The following CSMD1 variants were observed in gnomAD, a reference collection of about 807,000 sequenced individuals.
The protein encoded by CSMD1 is CUB and Sushi multiple domains 1, also known as CUB and sushi domain-containing protein 1.
A neutral mutation model predicts 417.5 loss-of-function variants in CSMD1; 213 were observed. That is an observed-to-expected ratio of 0.51 (90% confidence interval 0.46 to 0.57). The LOEUF is 0.57. Among genes scored for constraint, CSMD1 ranks in the 20% least tolerant of loss-of-function variants. The pLI, the probability that CSMD1 is intolerant of heterozygous loss-of-function variation, is 0.00. For missense variants in CSMD1, 6,923 were observed against 4,529.7 expected, an observed-to-expected ratio of 1.53 and a Z score of -15.17; for synonymous variants, 2,862 against 1,736.8, an observed-to-expected ratio of 1.65 and a Z score of -16.11.
At chr8:3,640,010 A>T (rs13268385) in intron 7 of CSMD1, among the ~76,000 whole-genome samples, 1 of 151,658 alleles carries the variant, frequency 6.6e-6, no homozygotes. Flanking sequence ...TAGGTGCTCA[A>T]TAAATGTTTG....
At chr8:3,767,632 T>A (rs1003374759) in intron 5 of CSMD1, among the ~76,000 whole-genome samples, 4 of 152,210 alleles carry the variant, frequency 2.6e-5, no homozygotes, top group African/African-American at 7.2e-5. Context: ...TGCATATATA[T>A]TCACGCAATG....
chr8:3,571,107 G>A (rs1279068218), intron 10 of CSMD1, among the ~76,000 whole-genome samples: 1 of 152,184 alleles, frequency 6.6e-6, no homozygotes, highest in African/African-American at 2.4e-5. Context: ...GCACTTACAG[G>A]TGGAAGATCA....
chr8:4,810,886 T>C (rs1798859962), intron 1 of CSMD1, among the ~76,000 whole-genome samples: 1 of 152,176 alleles, frequency 6.6e-6, no homozygotes, highest in African/African-American at 2.4e-5. Flanking sequence ...CAGCCTTGTG[T>C]CTGAATCAGA....
chr8:3,946,173 T>G (rs765018535), intron 5 of CSMD1, among the ~76,000 whole-genome samples: 2 of 152,160 alleles, frequency 1.3e-5, no homozygotes, highest in African/African-American at 4.8e-5. Flanking sequence ...ATAAGATTAT[T>G]ACAAAGAATA....
At chr8:2,967,785 G>A (rs1240894648) in intron 57 of CSMD1, among the ~76,000 whole-genome samples, 1 of 152,176 alleles carries the variant, frequency 6.6e-6, no homozygotes, top group African/African-American at 2.4e-5. Context: ...GAACATGGAA[G>A]AAAACATCCT....
chr8:4,822,873 ATATGT>A (rs1424091955), intron 1 of CSMD1, among the ~76,000 whole-genome samples: 2 of 151,994 alleles, frequency 1.3e-5, no homozygotes, highest in African/African-American at 4.8e-5. Flanking sequence ...CTTTTTCATA[ATATGT>A]TATGTTAATG....
At chr8:4,712,332 A>G (rs1808359545) in intron 1 of CSMD1, among the ~76,000 whole-genome samples, 1 of 152,204 alleles carries the variant, frequency 6.6e-6, no homozygotes, top group African/African-American at 2.4e-5. Context: ...CCAACCACGC[A>G]TTTCCAGAAC....
At chr8:4,759,509 C>G (rs1811892124) in intron 1 of CSMD1, among the ~76,000 whole-genome samples, 1 of 152,142 alleles carries the variant, frequency 6.6e-6, no homozygotes, top group Non-Finnish European at 1.5e-5. Flanking sequence ...AACCCATCAC[C>G]TAGGTATTAA....
intron 5 of CSMD1, among the ~76,000 whole-genome samples, chr8:3,948,615 A>G (rs1811399810): frequency 6.6e-6 from 1 of 152,174 alleles, no homozygotes; most frequent in Non-Finnish European, 1.5e-5. Flanking sequence ...CATCAATTCC[A>G]CATACTTACT....
chr8:3,245,612 G>A (rs1047663122), intron 26 of CSMD1, among the ~76,000 whole-genome samples: 1 of 152,256 alleles, frequency 6.6e-6, no homozygotes, highest in Non-Finnish European at 1.5e-5. Flanking sequence ...TCCAGGAAAG[G>A]ACAGGAGCCT....
At chr8:3,830,421 C>T (rs549650021) in intron 5 of CSMD1, among the ~76,000 whole-genome samples, 1 of 152,296 alleles carries the variant, frequency 6.6e-6, no homozygotes, top group African/African-American at 2.4e-5. Flanking sequence ...TACCCAGGTT[C>T]TAATTATACG....
chr8:4,625,249 G>T lies in CSMD1; in HGVS notation c.302+12093C>A, dbSNP rs143770732. ...TCCACTGTTTAAGCACAAGTCACCT[G>T]CTTGGAACGCCAGTTAATTTTCCTT... On this transcript the variant is annotated intron_variant, in intron 2 of 69. Coordinates refer to ENST00000635120, the MANE Select transcript of CSMD1 (RefSeq NM_033225.6). 2.7e-3 allele frequency among the ~76,000 whole-genome samples: 408 copies of T among 152,138 alleles called. 1 individual carries two copies. Among genetic ancestry groups the T allele is most frequent in the Non-Finnish European group, 4.4e-3 (296 of 68,016 alleles).
At chr8:4,697,549 G>A (rs138304967) in intron 1 of CSMD1, among the ~76,000 whole-genome samples, 3 of 152,154 alleles carry the variant, frequency 2.0e-5, no homozygotes, top group East Asian at 3.9e-4. Context: ...GGGGAATGTC[G>A]ACGATAGCAA....
chr8:3,938,330 A>G (rs1417667539), intron 5 of CSMD1, among the ~76,000 whole-genome samples: 3 of 152,170 alleles, frequency 2.0e-5, no homozygotes, highest in African/African-American at 4.8e-5. Context: ...TTGGAAGAAA[A>G]AAGCATATAA....
chr8:4,937,864 A>G (rs1807726972), intron 1 of CSMD1, among the ~76,000 whole-genome samples: 1 of 152,252 alleles, frequency 6.6e-6, no homozygotes, highest in Middle Eastern at 3.4e-3. Context: ...GCTAAAAAAT[A>G]TATATTAACA....
At chr8:4,402,578 T>C (rs889209586) in intron 3 of CSMD1, among the ~76,000 whole-genome samples, 4 of 152,170 alleles carry the variant, frequency 2.6e-5, no homozygotes, top group Admixed American at 1.3e-4. Context: ...GGGAGACTTT[T>C]ATAGAAGATG....
At chr8:4,536,308 C>G (rs532290110) in intron 2 of CSMD1, among the ~76,000 whole-genome samples, 2 of 152,098 alleles carry the variant, frequency 1.3e-5, no homozygotes, top group East Asian at 3.9e-4. Flanking sequence ...TAGTTTTCTC[C>G]CTGTTTTCAG....
chr8:4,400,314 G>C (rs925889439), intron 3 of CSMD1, among the ~76,000 whole-genome samples: 6 of 152,180 alleles, frequency 3.9e-5, no homozygotes, highest in African/African-American at 1.4e-4. Flanking sequence ...GCAGTTCCTG[G>C]TCCCATAGGA....
chr8:4,593,815 G>C (rs1800116195), intron 2 of CSMD1, among the ~76,000 whole-genome samples: 1 of 152,076 alleles, frequency 6.6e-6, no homozygotes, highest in Non-Finnish European at 1.5e-5. Context: ...TTATCAAAAA[G>C]CTTCTAGAGA....
Sources: allele counts gnomAD v4.1 joint callset (sites outside exome capture counted in the v4.1 genomes callset), GRCh38; gene constraint gnomAD v4.1.1; transcripts MANE v1.5; gene names NCBI Gene and HGNC (gene_info 2026-07-23, HGNC 2026-07-21).